The following PRKG1 variants were observed in gnomAD, a reference collection of about 807,000 sequenced individuals.
The protein encoded by PRKG1 is cGMP-dependent protein kinase 1.
In PRKG1, 35 loss-of-function variants were observed where a neutral mutation model predicts 88.1. That is an observed-to-expected ratio of 0.40 (90% CI 0.30 to 0.53). The LOEUF (loss-of-function observed/expected upper bound fraction) is 0.53. PRKG1 is among the 20% of genes least tolerant of loss of function. The pLI is 0.59. For missense variants in PRKG1, 540 were observed against 839.8 expected, an observed-to-expected ratio of 0.64 and a Z score of 4.41; for synonymous variants, 303 against 292.5, an observed-to-expected ratio of 1.04 and a Z score of -0.37.
chr10:51,489,814 A>G (rs10508944), intron 3 of PRKG1, among the ~76,000 whole-genome samples: 24,261 of 152,036 alleles, frequency 0.16, 2,301 homozygotes, highest in Non-Finnish European at 0.22. Flanking sequence ...AAATAATAGG[A>G]CATGAACTGA....
chr10:51,106,862 C>A (rs1189471102), intron 1 of PRKG1, among the ~76,000 whole-genome samples: 1 of 152,064 alleles, frequency 6.6e-6, no homozygotes, highest in Non-Finnish European at 1.5e-5. Context: ...TATCTGCTTC[C>A]CAACAAGCAT....
At chr10:51,281,455 C>A (rs1244978877) in intron 2 of PRKG1, among the ~76,000 whole-genome samples, 1 of 152,186 alleles carries the variant, frequency 6.6e-6, no homozygotes, top group Non-Finnish European at 1.5e-5. Flanking sequence ...GCCCACAGAG[C>A]CTCGCTCATT....
At chr10:51,678,480 A>G (rs1299465970) in intron 3 of PRKG1, among the ~76,000 whole-genome samples, 2 of 152,148 alleles carry the variant, frequency 1.3e-5, no homozygotes, top group African/African-American at 4.8e-5. Context: ...CTGGGGATGG[A>G]GCCCAGGAAT....
intron 4 of PRKG1, among the ~76,000 whole-genome samples, chr10:51,809,630 C>G (rs12263551): frequency 0.14 from 21,114 of 151,948 alleles, 1,936 homozygotes; most frequent in African/African-American, 0.27. Flanking sequence ...AGTGGTGGAC[C>G]CTGATTTATA....
At chr10:51,459,994 G>C (rs1291824464) in intron 2 of PRKG1, among the ~76,000 whole-genome samples, 1 of 152,070 alleles carries the variant, frequency 6.6e-6, no homozygotes, top group Non-Finnish European at 1.5e-5. Context: ...AGAGTATTTT[G>C]TATGCTCATG....
chr10:51,763,775 G>T (rs1201069170), intron 3 of PRKG1, among the ~76,000 whole-genome samples: 2 of 152,108 alleles, frequency 1.3e-5, no homozygotes, highest in African/African-American at 4.8e-5. Context: ...AGTTCTGGAG[G>T]TTGAGAAGTG....
chr10:52,271,906 A>T (rs949189234), intron 11 of PRKG1, among the ~76,000 whole-genome samples: 1 of 152,136 alleles, frequency 6.6e-6, no homozygotes, highest in African/African-American at 2.4e-5. Context: ...TAAATGGATA[A>T]TGGGGAGATT....
At chr10:51,747,246 C>T (rs1837605032) in intron 3 of PRKG1, among the ~76,000 whole-genome samples, 1 of 152,134 alleles carries the variant, frequency 6.6e-6, no homozygotes, top group Non-Finnish European at 1.5e-5. Flanking sequence ...TGAAAATGTG[C>T]AGGTGCTTGC....
At chr10:51,842,372 T>C (rs960237163) in intron 4 of PRKG1, among the ~76,000 whole-genome samples, 2 of 152,186 alleles carry the variant, frequency 1.3e-5, no homozygotes, top group Non-Finnish European at 2.9e-5. Flanking sequence ...TGAGATATCA[T>C]CCAACTTGCA....
chr10:51,146,106 A>G (rs1042082126), intron 1 of PRKG1, among the ~76,000 whole-genome samples: 1 of 151,914 alleles, frequency 6.6e-6, no homozygotes, highest in South Asian at 2.1e-4. Context: ...GGAGAATGGC[A>G]TGAACCCGGG....
chr10:52,023,457 T>C (rs1342477627), intron 5 of PRKG1, among the ~76,000 whole-genome samples: 1 of 152,176 alleles, frequency 6.6e-6, no homozygotes, highest in African/African-American at 2.4e-5. Flanking sequence ...GGTCAAATGG[T>C]ATTTCTAGTT....
intron 3 of PRKG1, among the ~76,000 whole-genome samples, chr10:51,756,442 G>A (rs995595404): frequency 4.7e-5 from 7 of 150,396 alleles, no homozygotes. Flanking sequence ...AGACGAGGTT[G>A]TGCCACTGCA....
intron 2 of PRKG1, among the ~76,000 whole-genome samples, chr10:51,195,957 A>T (rs1162089443): frequency 6.6e-6 from 1 of 152,152 alleles, no homozygotes; most frequent in Non-Finnish European, 1.5e-5. Flanking sequence ...GGTAGAACAC[A>T]TTTTCCACTT....
chr10:52,213,878 C>T (rs1220370978), intron 9 of PRKG1, among the ~76,000 whole-genome samples: 1 of 152,168 alleles, frequency 6.6e-6, no homozygotes, highest in African/African-American at 2.4e-5. Flanking sequence ...ATAATACTAA[C>T]GTAACACATC....
chr10:52,094,805 A>G (rs1589601838), intron 7 of PRKG1, among the ~76,000 whole-genome samples: 2 of 152,244 alleles, frequency 1.3e-5, no homozygotes, highest in African/African-American at 4.8e-5. Context: ...TGAGGACCCT[A>G]CTACACTCAT....
At chr10:51,445,650 T>C (rs970203224) in intron 2 of PRKG1, among the ~76,000 whole-genome samples, 2 of 151,922 alleles carry the variant, frequency 1.3e-5, no homozygotes, top group Non-Finnish European at 2.9e-5. Context: ...GGCCTATTCA[T>C]TAAAATTCAA....
chr10:51,786,597 G>A (rs1838736102), intron 3 of PRKG1, among the ~76,000 whole-genome samples: 2 of 152,000 alleles, frequency 1.3e-5, no homozygotes, highest in South Asian at 4.2e-4. Context: ...GTTGAGCCTG[G>A]CACTCACCAC....
At chr10:52,282,552 A>C (rs1056613041) in intron 14 of PRKG1, among the ~76,000 whole-genome samples, 2 of 152,056 alleles carry the variant, frequency 1.3e-5, no homozygotes, top group African/African-American at 4.8e-5. Context: ...TCTTTTTTAC[A>C]TATGTGAATG....
intron 7 of PRKG1, among the ~76,000 whole-genome samples, chr10:52,073,032 A>G (rs2133289529): frequency 6.6e-6 from 1 of 152,304 alleles, no homozygotes; most frequent in South Asian, 2.1e-4. Context: ...TCCCTTTGGA[A>G]GCTCTAGGGA....
Sources: allele counts gnomAD v4.1 joint callset (sites outside exome capture counted in the v4.1 genomes callset), GRCh38; gene constraint gnomAD v4.1.1; transcripts MANE v1.5; gene names NCBI Gene and HGNC (gene_info 2026-07-23, HGNC 2026-07-21).